The following GRM4 variants were observed in gnomAD, a reference collection of about 807,000 sequenced individuals.
GRM4 encodes glutamate metabotropic receptor 4, also known as metabotropic glutamate receptor 4.
A neutral mutation model predicts 81.7 loss-of-function variants in GRM4; 28 were observed. The observed-to-expected ratio is 0.34, with a 90% CI of 0.25 to 0.47. The LOEUF is 0.47. GRM4 is among the 20% of genes least tolerant of loss of function. The pLI is 1.00. For synonymous variants in GRM4, 488 were observed against 528.8 expected, an observed-to-expected ratio of 0.92 and a Z score of 1.06; for missense variants, 948 against 1,290.0, an observed-to-expected ratio of 0.73 and a Z score of 4.06.
chr6:34,072,487 C>T (rs1766974484), intron 3 of GRM4, among the ~76,000 whole-genome samples: 1 of 44,720 alleles, frequency 2.2e-5, no homozygotes, highest in South Asian at 6.7e-4. Flanking sequence ...CACCCACACA[C>T]ATCACACAGA....
rs773888824 is a variant in GRM4, at chr6:34,133,115, C to T, written c.382G>A (p.Glu128Lys). 30 of 1,613,876 alleles carry T rather than the reference C, an allele frequency of 1.9e-5. No homozygotes were observed. Among genetic ancestry groups the T allele is most frequent in the Non-Finnish European group, 2.5e-5 (29 of 1,179,926 alleles). The change falls in exon 2 of 11, where the codon GAG (glutamate) becomes AAG (lysine). Residue 128 changes from glutamate (E) to lysine (K), a missense_variant. Physicochemically the swap from Glu to Lys is moderately conservative, Grantham distance 56. Transcript: ENST00000538487. The surrounding 1 kb of genome is among the most constrained non-coding windows in gnomAD (Gnocchi z 6.5). ...CAGCGGACCTCTGTGCCATCCTTCT[C>T]GATGAGCGCCTGCACAAAGGTCAGC... ...QSLTFVQALIEKDGTEVRCGS... is the reference protein window; with the variant it reads ...QSLTFVQALIKKDGTEVRCGS...
chr6:34,096,293 G>A (rs557134540), intron 2 of GRM4, among the ~76,000 whole-genome samples: 25 of 152,120 alleles, frequency 1.6e-4, no homozygotes, highest in East Asian at 1.9e-4. Context: ...ATTTTCCTCT[G>A]TCCCCAGAGT....
intron 3 of GRM4, among the ~76,000 whole-genome samples, chr6:34,066,386 A>G (rs370945165): frequency 3.4e-4 from 52 of 152,352 alleles, no homozygotes; most frequent in African/African-American, 1.1e-3. Context: ...ATGTGTCAAC[A>G]TGACAAATCC....
intron 10 of GRM4, among the ~76,000 whole-genome samples, chr6:34,026,807 G>A (rs532116512): frequency 1.1e-4 from 17 of 152,112 alleles, no homozygotes; most frequent in African/African-American, 3.9e-4. Flanking sequence ...CTCCGGGAGG[G>A]GCTAATACCC....
chr6:34,028,476 A>C, intron 9 of GRM4, 110 bp from the exon 10 acceptor site: 1 of 1,240,576 alleles, frequency 8.1e-7, no homozygotes, highest in South Asian at 1.4e-5. Context: ...CTTCAGGCAG[A>C]AGGAAGTCGT....
chr6:34,039,177 T>C (rs1764873636), intron 8 of GRM4, among the ~76,000 whole-genome samples: 1 of 152,188 alleles, frequency 6.6e-6, no homozygotes. Flanking sequence ...CGGTGTGGCC[T>C]TTAGGAGAGT....
At chr6:34,044,853 C>T (rs866693417) in intron 6 of GRM4, among the ~76,000 whole-genome samples, 1 of 134,854 alleles carries the variant, frequency 7.4e-6, no homozygotes, top group African/African-American at 3.3e-5. Flanking sequence ...TATACATAGA[C>T]ACACACACAG....
chr6:34,072,172 CCACA>C (rs1766937943), intron 3 of GRM4, among the ~76,000 whole-genome samples: 1 of 129,564 alleles, frequency 7.7e-6, no homozygotes, highest in African/African-American at 2.8e-5. Context: ...CCATACATCA[CCACA>C]CAGATACACA....
chr6:34,143,925 G>A (rs1431947084), intron 1 of GRM4, among the ~76,000 whole-genome samples: 4 of 152,232 alleles, frequency 2.6e-5, no homozygotes, highest in African/African-American at 9.6e-5. Flanking sequence ...CTGTCACTTC[G>A]GGCTTTCTGC....
At chr6:34,125,519 A>G (rs559247211) in intron 2 of GRM4, among the ~76,000 whole-genome samples, 4 of 152,300 alleles carry the variant, frequency 2.6e-5, no homozygotes, top group South Asian at 2.1e-4. Context: ...CAGGAATCCA[A>G]TGCTCCCCGA....
chr6:34,054,142 T>C (rs915478203), intron 6 of GRM4: 16 of 150,438 alleles, frequency 1.1e-4, no homozygotes, highest in Admixed American at 7.9e-4. Context: ...CTCAGGCTCA[T>C]GGGAAAGCTC....
Position 34,034,248 on chromosome 6 carries a change from T to C in GRM4, c.2442+1420A>G, listed in dbSNP as rs1764579698. On this transcript the variant is annotated intron_variant, in intron 9 of 10. Transcript: ENST00000538487. The surrounding 1 kb of genome is among the most constrained non-coding windows in gnomAD (Gnocchi z 4.0). ...GCTCCTCTCATTGTCTGCTCTTCCT[T>C]AGCATGGGAAACTCCTTCCTTCCTG... Among the ~76,000 whole-genome samples the C allele has an allele frequency of 6.6e-6, 1 of 152,214 alleles. No homozygotes were observed. The highest frequency in any genetic ancestry group is 1.5e-5 in the Non-Finnish European group (1 of 68,036).
rs1012792994 is a variant in GRM4 at position 34,025,827 on chromosome 6, A to C, written c.2689+2293T>G. ...GTAAGATGGGGTGATAATAAACACC[A>C]CGTGGGGTCAGCCAAGAGGTGAACA... On this transcript the variant is annotated intron_variant, in intron 10 of 10. Transcript: ENST00000538487. 1.3e-5 allele frequency among the ~76,000 whole-genome samples: 2 copies of C among 152,220 alleles called. 1 individual carries two copies. The highest frequency in any genetic ancestry group is 4.8e-5 in the African/African-American group (2 of 41,452).
Position 34,035,428 on chromosome 6 carries a change from G to A in GRM4, c.2442+240C>T, listed in dbSNP as rs1764638102. ...AGAGAGAAAGGGGGAGAGAGAAGAG[G>A]GAGAGGGGCAAAAACAGAGAAAGAG... On this transcript the variant is annotated intron_variant, in intron 9 of 10. Transcript: ENST00000538487. This position sits in a 1 kb window ranked among gnomAD's most constrained non-coding sequence, Gnocchi z 6.6. 6.6e-6 allele frequency among the ~76,000 whole-genome samples: 1 copy of A among 151,480 alleles called. No homozygotes were observed. The highest frequency in any genetic ancestry group is 2.4e-5 in the African/African-American group (1 of 41,110).
At chr6:34,145,324 G>T (rs1217325492) in intron 1 of GRM4, among the ~76,000 whole-genome samples, 2 of 152,044 alleles carry the variant, frequency 1.3e-5, no homozygotes, top group African/African-American at 4.8e-5. Context: ...GCGGCGTTCG[G>T]CTGCTGCTCC....
rs1766315736 is a variant in GRM4 at position 34,064,070 on chromosome 6, G to A, written c.737-2042C>T. Reference sequence around the variant, plus strand: ...ATCTTGCAAGCTTCGTTTTGCTGGTGAAGGAAGGATTAGGTGACCACGGCT... The same window carrying A: ...ATCTTGCAAGCTTCGTTTTGCTGGTAAAGGAAGGATTAGGTGACCACGGCT... On this transcript the variant is annotated intron_variant, in intron 3 of 10. Coordinates refer to ENST00000538487, the MANE Select transcript of GRM4 (RefSeq NM_000841.4). This position sits in a 1 kb window ranked among gnomAD's most constrained non-coding sequence, Gnocchi z 4.4. 6.6e-6 allele frequency among the ~76,000 whole-genome samples: 1 copy of A among 152,172 alleles called. No homozygotes were observed. The highest frequency in any genetic ancestry group is 2.1e-4 in the South Asian group (1 of 4,820).
chr6:34,151,515 G>A (rs1258849842), intron 1 of GRM4, among the ~76,000 whole-genome samples: 2 of 152,142 alleles, frequency 1.3e-5, no homozygotes, highest in South Asian at 2.1e-4. Flanking sequence ...AGCCCCTTCC[G>A]CCCAAGACCT....
chr6:34,042,656 G>C lies in GRM4; in HGVS notation c.1169-1908C>G, dbSNP rs1032747555. 1.3e-5 allele frequency among the ~76,000 whole-genome samples: 2 copies of C among 152,156 alleles called. No individual in the cohort carries two copies. Among genetic ancestry groups the C allele is most frequent in the African/African-American group, 4.8e-5 (2 of 41,438 alleles). ...GAGGCAATTCCCCAGAGGGCAGCAG[G>C]GTGCACACCTGCACCTGTGTCCTGC... On this transcript the variant is annotated intron_variant, in intron 6 of 10. Coordinates refer to ENST00000538487, the MANE Select transcript of GRM4 (RefSeq NM_000841.4). The surrounding 1 kb of genome is among the most constrained non-coding windows in gnomAD (Gnocchi z 4.2).
intron 10 of GRM4, chr6:34,024,571 C>A (rs183142226): frequency 9.1e-6 from 4 of 439,274 alleles, no homozygotes; most frequent in South Asian, 6.4e-5. Flanking sequence ...CACATGTGGA[C>A]GAAGCAAACT....
Sources: gnomAD v4.1 joint callset for allele counts (sites outside exome capture counted in the v4.1 genomes callset) on GRCh38, gnomAD v4.1.1 for gene constraint, Gnocchi (gnomAD v3.1) non-coding constraint, MANE v1.5 for transcripts, NCBI Gene and HGNC (gene_info 2026-07-23, HGNC 2026-07-21) for gene names.